Variants in NEGR1 observed in about 807,000 individuals in gnomAD.
The protein encoded by NEGR1 is neuronal growth regulator 1, also known as IgLON family member 4.
In NEGR1, 10 loss-of-function variants were observed where a neutral mutation model predicts 40.9. The observed-to-expected ratio is 0.24, with a 90% CI of 0.15 to 0.42. The LOEUF is 0.42. Among genes scored for constraint, NEGR1 ranks in the 10% least tolerant of loss-of-function variants. The pLI is 1.00. For synonymous variants in NEGR1, 185 were observed against 166.8 expected (o/e 1.11, Z -0.84); for missense variants, 352 against 438.9 (o/e 0.80, Z 1.77).
At chr1:71,475,427 T>C (rs746470775) in intron 6 of NEGR1, among the ~76,000 whole-genome samples, 2 of 152,052 alleles carry the variant, frequency 1.3e-5, no homozygotes, top group Non-Finnish European at 2.9e-5. Context: ...AAAGAATTAG[T>C]TATGTTAATC....
At chr1:72,034,150 T>C (rs1025314719) in intron 1 of NEGR1, among the ~76,000 whole-genome samples, 9 of 152,196 alleles carry the variant, frequency 5.9e-5, no homozygotes, top group Non-Finnish European at 8.8e-5. Context: ...GAATTTTTTT[T>C]GGTTGCTTTT....
intron 1 of NEGR1, among the ~76,000 whole-genome samples, chr1:72,107,111 A>G (rs1315998209): frequency 6.6e-6 from 1 of 151,812 alleles, no homozygotes; most frequent in Non-Finnish European, 1.5e-5. Flanking sequence ...CGTAATCTTA[A>G]AAGTAGGTTA....
At chr1:71,669,394 G>GTGT (rs1652342754) in intron 4 of NEGR1, among the ~76,000 whole-genome samples, 1 of 151,736 alleles carries the variant, frequency 6.6e-6, no homozygotes, top group South Asian at 2.1e-4. Flanking sequence ...TACTTATTTT[G>GTGT]TGTTCCATTT....
At chr1:71,473,129 C>G (rs1268807506) in intron 6 of NEGR1, among the ~76,000 whole-genome samples, 1 of 151,860 alleles carries the variant, frequency 6.6e-6, no homozygotes. Flanking sequence ...AAAGTAATAC[C>G]TGATAAGATA....
chr1:71,430,293 T>C (rs546072678), intron 6 of NEGR1, among the ~76,000 whole-genome samples: 2 of 152,332 alleles, frequency 1.3e-5, no homozygotes, highest in East Asian at 3.9e-4. Context: ...TTTCTCTGTA[T>C]TGCCTCTATA....
chr1:72,168,822 T>A (rs1437430417), intron 1 of NEGR1, among the ~76,000 whole-genome samples: 1 of 151,900 alleles, frequency 6.6e-6, no homozygotes, highest in Non-Finnish European at 1.5e-5. Flanking sequence ...ATCACTTGAG[T>A]TCAAGAGGCA....
chr1:72,178,056 AACAGACT>A (rs1199576990), intron 1 of NEGR1, among the ~76,000 whole-genome samples: 1 of 152,040 alleles, frequency 6.6e-6, no homozygotes, highest in African/African-American at 2.4e-5. Context: ...GTGTTTATTT[AACAGACT>A]ACAAAGAATT....
intron 2 of NEGR1, among the ~76,000 whole-genome samples, chr1:71,837,611 G>C (rs1038673274): frequency 2.0e-5 from 3 of 151,924 alleles, no homozygotes; most frequent in Non-Finnish European, 2.9e-5. Flanking sequence ...GACCCTGATT[G>C]AACATAGCAC....
chr1:71,607,820 A>G (rs1428109485), intron 5 of NEGR1, among the ~76,000 whole-genome samples: 1 of 152,054 alleles, frequency 6.6e-6, no homozygotes, highest in East Asian at 1.9e-4. Flanking sequence ...CAGCCTCCTG[A>G]GTAGCTGGGA....
At chr1:71,793,361 G>A (rs1034199657) in intron 2 of NEGR1, among the ~76,000 whole-genome samples, 8 of 99,772 alleles carry the variant, frequency 8.0e-5, no homozygotes, top group Non-Finnish European at 1.3e-4. Flanking sequence ...TGCCCGCCTC[G>A]GCCTCCCAAA....
intron 2 of NEGR1, among the ~76,000 whole-genome samples, chr1:71,880,516 C>T (rs1373960529): frequency 3.3e-5 from 5 of 151,818 alleles, no homozygotes; most frequent in African/African-American, 7.3e-5. Flanking sequence ...TTTAAGACAC[C>T]TTTGGTTCTG....
intron 4 of NEGR1, among the ~76,000 whole-genome samples, chr1:71,613,297 T>A (rs528290148): frequency 2.9e-4 from 44 of 152,024 alleles, no homozygotes; most frequent in Non-Finnish European, 4.9e-4. Context: ...GTGATTTAAT[T>A]TGGCTTGAGT....
chr1:71,617,191 G>A (rs1483236565), intron 4 of NEGR1, among the ~76,000 whole-genome samples: 1 of 152,198 alleles, frequency 6.6e-6, no homozygotes. Context: ...CTTCCCTATT[G>A]GTGAAGAGCT....
At chr1:72,236,694 A>AT (rs1654559533) in intron 1 of NEGR1, among the ~76,000 whole-genome samples, 1 of 152,016 alleles carries the variant, frequency 6.6e-6, no homozygotes, top group Non-Finnish European at 1.5e-5. Context: ...ACACCTTTAT[A>AT]TTTGGGGTCT....
chr1:71,443,508 CT>C (rs1443265554), intron 6 of NEGR1, among the ~76,000 whole-genome samples: 2 of 152,126 alleles, frequency 1.3e-5, no homozygotes, highest in African/African-American at 4.8e-5. Flanking sequence ...TCTTATATAT[CT>C]TTGTGTTTTC....
At chr1:72,002,190 G>A (rs959118767) in intron 1 of NEGR1, among the ~76,000 whole-genome samples, 4 of 151,912 alleles carry the variant, frequency 2.6e-5, no homozygotes, top group Admixed American at 2.6e-4. Context: ...TTTCCTTCCT[G>A]CCTTTACATT....
At chr1:72,180,743 C>T (rs534830660) in intron 1 of NEGR1, among the ~76,000 whole-genome samples, 1 of 152,050 alleles carries the variant, frequency 6.6e-6, no homozygotes, top group Non-Finnish European at 1.5e-5. Flanking sequence ...AAATACTAAT[C>T]AAAACTACTA....
chr1:72,148,454 T>G (rs1393458451), intron 1 of NEGR1, among the ~76,000 whole-genome samples: 1 of 152,108 alleles, frequency 6.6e-6, no homozygotes, highest in African/African-American at 2.4e-5. Flanking sequence ...CCCCATGGTG[T>G]TGGGGACTAA....
intron 1 of NEGR1, among the ~76,000 whole-genome samples, chr1:72,097,257 T>G (rs914436976): frequency 1.6e-4 from 24 of 152,208 alleles, no homozygotes; most frequent in African/African-American, 5.3e-4. Context: ...CAGTAAGGCA[T>G]GGACTGTAAC....
Sources: gnomAD v4.1 joint callset for allele counts (sites outside exome capture counted in the v4.1 genomes callset) on GRCh38, gnomAD v4.1.1 for gene constraint, MANE v1.5 for transcripts, NCBI Gene and HGNC (gene_info 2026-07-23, HGNC 2026-07-21) for gene names.